SLC38A11: variants seen among roughly 807,000 people sequenced by gnomAD.
SLC38A11 encodes solute carrier family 38 member 11.
In SLC38A11, 51 loss-of-function variants were observed where a neutral mutation model predicts 49.4. That is an observed-to-expected ratio of 1.03 (90% CI 0.83 to 1.30). SLC38A11 has a LOEUF of 1.30. Ranked by LOEUF, SLC38A11 falls within the 50% of genes most tolerant of loss-of-function variation. The pLI, the probability that SLC38A11 is intolerant of heterozygous loss-of-function variation, is 0.00. For synonymous variants in SLC38A11, 203 were observed against 192.9 expected, an observed-to-expected ratio of 1.05 and a Z score of -0.43; for missense variants, 574 against 556.2, an observed-to-expected ratio of 1.03 and a Z score of -0.32.
At chr2:164,914,660 A>G (rs938390960) in intron 9 of SLC38A11, among the ~76,000 whole-genome samples, 1 of 151,692 alleles carries the variant, frequency 6.6e-6, no homozygotes, top group Non-Finnish European at 1.5e-5. Context: ...AAGAAAACAG[A>G]AAAAAAATTA....
chr2:164,915,084 A>T, intron 9 of SLC38A11, 28 bp downstream of exon 9: 1 of 1,583,454 alleles, frequency 6.3e-7, no homozygotes, highest in Non-Finnish European at 8.6e-7. Context: ...AATGCACATG[A>T]ACACTATAAC....
At chr2:164,902,015 G>GT (rs1004463712) in intron 11 of SLC38A11, among the ~76,000 whole-genome samples, 4 of 144,750 alleles carry the variant, frequency 2.8e-5, no homozygotes, top group Non-Finnish European at 4.5e-5. Context: ...ATAATCATGT[G>GT]TTTTTTGTTT....
intron 11 of SLC38A11, among the ~76,000 whole-genome samples, chr2:164,900,749 G>A (rs776770364): frequency 2.0e-4 from 30 of 151,824 alleles, no homozygotes; most frequent in Admixed American, 3.3e-4. Context: ...CAATCTGTAC[G>A]TTGTCTTTTC....
At chr2:164,946,055 T>C (rs1688085441) in intron 3 of SLC38A11, among the ~76,000 whole-genome samples, 1 of 152,136 alleles carries the variant, frequency 6.6e-6, no homozygotes, top group South Asian at 2.1e-4. Context: ...GCAAATATTA[T>C]CAGGTTGAGG....
At chr2:164,918,817 TG>T (rs1276687868) in intron 7 of SLC38A11, among the ~76,000 whole-genome samples, 2 of 152,174 alleles carry the variant, frequency 1.3e-5, no homozygotes, top group South Asian at 4.1e-4. Context: ...CCAATTAAAA[TG>T]TTTTTTTAAG....
intron 7 of SLC38A11, among the ~76,000 whole-genome samples, chr2:164,928,565 A>G (rs1686755132): frequency 6.6e-6 from 1 of 152,218 alleles, no homozygotes; most frequent in African/African-American, 2.4e-5. Flanking sequence ...TGCTTACAAT[A>G]TAGTGAGAGA....
intron 7 of SLC38A11, chr2:164,921,949 A>C (rs971271090): frequency 6.6e-6 from 1 of 152,154 alleles, no homozygotes; most frequent in Non-Finnish European, 1.5e-5. Flanking sequence ...GTTTGTGTTT[A>C]TGGGGGTTGT....
In SLC38A11 at chr2:164,898,561, T is replaced by C. The variant is rs765688538; in HGVS notation, c.1265A>G (p.Asp422Gly). 3.1e-6 allele frequency: 5 copies of C among 1,613,470 alleles called. No homozygotes were observed. The highest frequency in any genetic ancestry group is 4.2e-6 in the Non-Finnish European group (5 of 1,179,754). ...GFVMAITNTQ[D>G]CTHGQEMFYC... is the part of the protein sequence containing the mutation. Reference sequence around the variant, plus strand: ...GAACATTTCCTGCCCATGGGTGCAGTCTTGAGTATTTGTAATAGCCATGAC... The same window carrying C: ...GAACATTTCCTGCCCATGGGTGCAGCCTTGAGTATTTGTAATAGCCATGAC... Residue 422 changes from aspartate to glycine, a missense_variant, in exon 12 of 12, where the codon GAC becomes GGC. Asp to Gly is a moderately conservative substitution (Grantham distance 94, BLOSUM62 -1). Transcript: ENST00000685975.
intron 3 of SLC38A11, among the ~76,000 whole-genome samples, chr2:164,948,469 G>A (rs889745918): frequency 6.6e-6 from 1 of 152,162 alleles, no homozygotes; most frequent in African/African-American, 2.4e-5. Context: ...GAGGCATGAA[G>A]GTTAAGTAAA....
chr2:164,917,798 A>G (rs1389280762), intron 7 of SLC38A11, among the ~76,000 whole-genome samples: 2 of 151,984 alleles, frequency 1.3e-5, no homozygotes, highest in African/African-American at 2.4e-5. Flanking sequence ...TAGAAGTTTC[A>G]TTTTCATTTT....
chr2:164,904,506 G>A (rs1167283058), intron 11 of SLC38A11, among the ~76,000 whole-genome samples: 1 of 152,044 alleles, frequency 6.6e-6, no homozygotes, highest in Non-Finnish European at 1.5e-5. Flanking sequence ...CTAAATAGTA[G>A]CATTTCCCTA....
At chr2:164,937,176 A>G (rs1687428717) in intron 7 of SLC38A11, among the ~76,000 whole-genome samples, 174 bp downstream of exon 7, 1 of 152,184 alleles carries the variant, frequency 6.6e-6, no homozygotes, top group Non-Finnish European at 1.5e-5. Context: ...TGTAGGGTCC[A>G]AATGAAAAAT....
chr2:164,908,373 T>C (rs565398035), intron 11 of SLC38A11, among the ~76,000 whole-genome samples: 2 of 152,174 alleles, frequency 1.3e-5, no homozygotes, highest in African/African-American at 4.8e-5. Context: ...GGGATGTATA[T>C]CCCTGGCCTC....
intron 11 of SLC38A11, among the ~76,000 whole-genome samples, chr2:164,900,855 G>A (rs1185941827): frequency 7.9e-6 from 1 of 126,838 alleles, no homozygotes; most frequent in Non-Finnish European, 1.9e-5. Flanking sequence ...CTTTTAGTGT[G>A]ATATTCAAAA....
intron 1 of SLC38A11, 94 bp from the exon 2 acceptor site, chr2:164,954,839 G>A: frequency 1.8e-6 from 1 of 555,970 alleles, no homozygotes; most frequent in Non-Finnish European, 3.2e-6. Flanking sequence ...CGATTTTCTA[G>A]TAATAATAAG....
chr2:164,905,588 A>C (rs551715659), intron 11 of SLC38A11, among the ~76,000 whole-genome samples: 12 of 152,294 alleles, frequency 7.9e-5, no homozygotes, highest in African/African-American at 2.4e-4. Context: ...TAAAGATTTG[A>C]ATACGTTCTT....
intron 5 of SLC38A11, among the ~76,000 whole-genome samples, chr2:164,942,487 T>C (rs1687848405): frequency 6.6e-6 from 1 of 150,856 alleles, no homozygotes; most frequent in South Asian, 2.1e-4. Context: ...GAAAAACCCT[T>C]AAGAAAAACC....
At chr2:164,913,218 G>A (rs1252304313) in intron 9 of SLC38A11, among the ~76,000 whole-genome samples, 2 of 151,696 alleles carry the variant, frequency 1.3e-5, no homozygotes, top group Non-Finnish European at 2.9e-5. Flanking sequence ...CATCCCTTTT[G>A]GGCAGGAGGG....
chr2:164,929,577 A>T (rs1686843748), intron 7 of SLC38A11, among the ~76,000 whole-genome samples: 1 of 152,134 alleles, frequency 6.6e-6, no homozygotes, highest in Non-Finnish European at 1.5e-5. Flanking sequence ...GCTTTCAGAA[A>T]CTACAGCCAA....
Sources: gnomAD v4.1 joint callset for allele counts (sites outside exome capture counted in the v4.1 genomes callset) on GRCh38, gnomAD v4.1.1 for gene constraint, MANE v1.5 for transcripts, NCBI Gene and HGNC (gene_info 2026-07-23, HGNC 2026-07-21) for gene names.